Variants in OGDHL observed in about 807,000 individuals in gnomAD.
OGDHL encodes 2-oxoglutarate dehydrogenase-like, mitochondrial.
Under a neutral mutation model 109.6 loss-of-function variants are expected in OGDHL, and 79 were observed. That is an observed-to-expected ratio of 0.72 (90% CI 0.60 to 0.87). The LOEUF is 0.87. OGDHL is among the 40% of genes least tolerant of loss of function. The pLI is 0.00. For synonymous variants in OGDHL, 528 were observed against 537.2 expected (o/e 0.98, Z 0.24); for missense variants, 1,275 against 1,362.2 (o/e 0.94, Z 1.01).
Position 49,743,055 on chromosome 10 carries a change from C to G in OGDHL, c.1862-77G>C, listed in dbSNP as rs531301161. ...CGGGTAGGTAGGTGCTCAGCACACA[C>G]CCCGCACAAAGCAGGGCAGCCATCT... On this transcript the variant is annotated intron_variant, in intron 14 of 22. Transcript: ENST00000374103. 9 of 1,530,102 alleles carry G rather than the reference C, an allele frequency of 5.9e-6. No homozygotes were observed. The South Asian group carries it at 1.1e-4, about 19-fold the overall frequency. 94.8% of individuals were successfully genotyped at this position (1,530,102 alleles called of 1,614,324 possible).
chr10:49,751,588 C>G (rs960025578), intron 6 of OGDHL, among the ~76,000 whole-genome samples: 3 of 152,226 alleles, frequency 2.0e-5, no homozygotes, highest in Admixed American at 2.0e-4. Flanking sequence ...CTCAGTGTCC[C>G]CGCTCTCTTG....
intron 8 of OGDHL, 71 bp from the exon 9 acceptor site, chr10:49,747,279 C>T: frequency 6.5e-7 from 1 of 1,527,222 alleles, no homozygotes; most frequent in Non-Finnish European, 8.9e-7. Flanking sequence ...CAGGCAGGCA[C>T]TGCAGCCCAC....
intron 10 of OGDHL, 114 bp from the exon 11 acceptor site, chr10:49,746,091 A>G: frequency 8.3e-7 from 1 of 1,211,002 alleles, no homozygotes; most frequent in Admixed American, 2.3e-5. Flanking sequence ...GGTGCCCAGG[A>G]GGAATGTGGG....
chr10:49,757,247 A>T (rs1412811549), intron 2 of OGDHL, among the ~76,000 whole-genome samples: 7 of 152,258 alleles, frequency 4.6e-5, no homozygotes, highest in Admixed American at 4.6e-4. Flanking sequence ...TGGACATGGA[A>T]TATTGCCAAG....
chr10:49,744,012 C>A lies in OGDHL; in HGVS notation c.1843G>T (p.Asp615Tyr). Residue 615 changes from aspartate to tyrosine, a missense_variant, in exon 14 of 23, where the codon GAC becomes TAC. By Grantham distance (160) the Asp-to-Tyr change is radical (BLOSUM62 -3). Coordinates refer to ENST00000374103, the MANE Select transcript of OGDHL (RefSeq NM_018245.3). ...GSVASSVPLE[D>Y]FKIHTGLSRI... The stretch of plus-strand genomic sequence containing the variant: ...ACCTCACCAGTGTGGATCTTAAAGT[C>A]CTCCAGGGGCACAGAGCTGGCCACA... The A allele has an allele frequency of 6.2e-7, 1 of 1,613,570 alleles. No homozygotes were observed. Among genetic ancestry groups the A allele is most frequent in the East Asian group, 2.2e-5 (1 of 44,836 alleles).
chr10:49,743,821 GA>G, intron 14 of OGDHL, 172 bp downstream of exon 14: 1 of 736,576 alleles, frequency 1.4e-6, no homozygotes, highest in Non-Finnish European at 2.1e-6. Flanking sequence ...CGCCCACCCT[GA>G]AAAGAGCTAC....
intron 1 of OGDHL, 38 bp from the exon 2 acceptor site, chr10:49,758,631 G>C (rs1172281529): frequency 6.3e-7 from 1 of 1,598,744 alleles, no homozygotes; most frequent in South Asian, 1.1e-5. Flanking sequence ...TAAATGGCAG[G>C]ACCAAGACAG....
Position 49,760,439 on chromosome 10 carries a change from G to A in OGDHL, c.-2+1800C>T, listed in dbSNP as rs557301302. On this transcript the variant is annotated intron_variant, in intron 1 of 22. Coordinates refer to ENST00000374103, the MANE Select transcript of OGDHL (RefSeq NM_018245.3). The stretch of plus-strand genomic sequence containing the variant: ...ACCTCTGACTATCCTAGAGGCCTGG[G>A]CAAAGAGAAGGTCGTGCCAGCCCAG... 2.0e-3 allele frequency among the ~76,000 whole-genome samples: 310 copies of A among 152,328 alleles called. 1 individual carries two copies. The highest frequency in any genetic ancestry group is 3.1e-3 in the Non-Finnish European group (211 of 68,026).
At chr10:49,736,570 G>C in intron 20 of OGDHL, 50 bp from the exon 21 acceptor site, 4 of 1,582,182 alleles carry the variant, frequency 2.5e-6, no homozygotes, top group Non-Finnish European at 8.6e-7. Flanking sequence ...AGAGGGGCTG[G>C]GGCAGCTCAG....
At chr10:49,739,973 T>C in intron 16 of OGDHL, 134 bp from the exon 17 acceptor site, 1 of 843,528 alleles carries the variant, frequency 1.2e-6, no homozygotes, top group Middle Eastern at 3.5e-4. Flanking sequence ...AACCCAGGGA[T>C]TCCCTGGGAT....
Position 49,748,039 on chromosome 10 carries a change from T to C in OGDHL, c.988-831A>G, listed in dbSNP as rs1010313084. On this transcript the variant is annotated intron_variant, in intron 8 of 22. Coordinates refer to ENST00000374103, the MANE Select transcript of OGDHL (RefSeq NM_018245.3). Reference sequence around the variant, plus strand: ...GTGTAGGAGGAAGTGGGGTGGGGGCTCTGGCACCATCACACACTGTGGATG... The same window carrying C: ...GTGTAGGAGGAAGTGGGGTGGGGGCCCTGGCACCATCACACACTGTGGATG... Among the ~76,000 whole-genome samples the C allele has an allele frequency of 5.5e-5, 8 of 144,190 alleles. No homozygotes were observed. The East Asian group carries it at 1.4e-3, about 24-fold the overall frequency. 94.6% of individuals were successfully genotyped at this position (144,190 alleles called of 152,430 possible). A position where few individuals can be genotyped will look rare whatever the true frequency, so the allele number is the denominator to read the frequency against.
chr10:49,757,936 CT>C (rs754604100), intron 2 of OGDHL, among the ~76,000 whole-genome samples: 3 of 152,180 alleles, frequency 2.0e-5, no homozygotes, highest in Non-Finnish European at 4.4e-5. Flanking sequence ...CTTCTTATAC[CT>C]TCTGGCTTTG....
chr10:49,737,516 G>C (rs1841287182), intron 20 of OGDHL, among the ~76,000 whole-genome samples: 1 of 152,198 alleles, frequency 6.6e-6, no homozygotes, highest in Non-Finnish European at 1.5e-5. Context: ...GAACTCAGCA[G>C]GCCTCTGCCA....
chr10:49,748,211 C>G (rs1386750942), intron 8 of OGDHL, among the ~76,000 whole-genome samples: 1 of 152,238 alleles, frequency 6.6e-6, no homozygotes, highest in Non-Finnish European at 1.5e-5. Context: ...ATGTCCAGCA[C>G]AAGGGATGCT....
intron 3 of OGDHL, among the ~76,000 whole-genome samples, chr10:49,753,157 A>G (rs1170796624): frequency 6.6e-6 from 1 of 152,246 alleles, no homozygotes; most frequent in Non-Finnish European, 1.5e-5. Flanking sequence ...GTCTCTAAAA[A>G]ATATTGTTAA....
intron 22 of OGDHL, among the ~76,000 whole-genome samples, chr10:49,735,648 T>C (rs1031477003): frequency 6.6e-6 from 1 of 152,226 alleles, no homozygotes; most frequent in African/African-American, 2.4e-5. Context: ...TTTGGCTTCT[T>C]GGAGTTTCTC....
Position 49,742,930 on chromosome 10 carries a change from G to A in OGDHL, c.1910C>T (p.Thr637Met), listed in dbSNP as rs11101224. 305,936 of 1,613,730 alleles carry A rather than the reference G, an allele frequency of 0.19. 30,410 individuals carry two copies. Among genetic ancestry groups the A allele is most frequent in the African/African-American group, 0.28 (21,335 of 75,018 alleles). The change falls in exon 15 of 23, where the codon ACG becomes ATG. Residue 637 changes from threonine to methionine, a missense_variant. Coordinates refer to ENST00000374103, the MANE Select transcript of OGDHL (RefSeq NM_018245.3). ...GTACTCTGCCAACGCCCAGTCCACC[G>A]TCCGGTTCTTGGTCATGTCCGCACG... ...RGRADMTKNR[T>M]VDWALAEYMA...
chr10:49,753,776 G>C (rs1350853882), intron 3 of OGDHL, among the ~76,000 whole-genome samples: 1 of 151,722 alleles, frequency 6.6e-6, no homozygotes, highest in African/African-American at 2.4e-5. Flanking sequence ...TGTAATCCCA[G>C]CTACTTGGGA....
At chr10:49,754,937 C>T (rs1842829332) in intron 3 of OGDHL, among the ~76,000 whole-genome samples, 1 of 152,202 alleles carries the variant, frequency 6.6e-6, no homozygotes, top group African/African-American at 2.4e-5. Flanking sequence ...GATCCTGCTT[C>T]AAAGAAGCAG....
Sources: allele counts gnomAD v4.1 joint callset (sites outside exome capture counted in the v4.1 genomes callset), GRCh38; gene constraint gnomAD v4.1.1; transcripts MANE v1.5; gene names NCBI Gene and HGNC (gene_info 2026-07-23, HGNC 2026-07-21).